The following ASB18 variants were observed in gnomAD, a reference collection of about 807,000 sequenced individuals.
ASB18 encodes the protein ankyrin repeat and SOCS box containing 18.
In ASB18, 33 loss-of-function variants were observed where a neutral mutation model predicts 33.4. The observed-to-expected ratio is 0.99, with a 90% CI of 0.75 to 1.32. ASB18 has a LOEUF of 1.32. Ranked by LOEUF, ASB18 falls within the 40% of genes most tolerant of loss-of-function variation. The pLI is 0.00. For missense variants in ASB18, 694 were observed against 655.5 expected, an observed-to-expected ratio of 1.06 and a Z score of -0.64; for synonymous variants, 295 against 307.6, an observed-to-expected ratio of 0.96 and a Z score of 0.43.
In ASB18 at chr2:236,200,624, C is replaced by T. The variant is rs1452962344; in HGVS notation, c.1102-4239G>A. 6.6e-6 allele frequency among the ~76,000 whole-genome samples: 1 copy of T among 152,174 alleles called. No individual in the cohort carries two copies. Among genetic ancestry groups the T allele is most frequent in the East Asian group, 1.9e-4 (1 of 5,190 alleles). ...TGCCCTCACTCTCCTTTCCTCCCTC[C>T]TGCTGCCGGGACACCCCACTGGCTA... On this transcript the variant is annotated intron_variant, in intron 4 of 5. Coordinates refer to ENST00000409749, the MANE Select transcript of ASB18 (RefSeq NM_212556.4). This position sits in a 1 kb window ranked among gnomAD's most constrained non-coding sequence, Gnocchi z 4.2.
At chr2:236,206,021 G>A (rs530839214) in intron 4 of ASB18, among the ~76,000 whole-genome samples, 4 of 152,074 alleles carry the variant, frequency 2.6e-5, no homozygotes, top group African/African-American at 9.7e-5. Flanking sequence ...CACCCTTTTC[G>A]ATTGCCAACC....
Position 236,249,027 on chromosome 2 carries a change from T to C in ASB18, c.206-7625A>G, listed in dbSNP as rs1010323078. On this transcript the variant is annotated intron_variant, in intron 1 of 5. Transcript: ENST00000409749. This position sits in a 1 kb window ranked among gnomAD's most constrained non-coding sequence, Gnocchi z 4.6. ...GTTAAGAGGTTGTTGGTTGTTTTGA[T>C]GCATTGATATTTATACCCAAATTTA... The C allele has an allele frequency of 2.6e-5, 4 of 152,238 alleles. No homozygotes were observed. Among genetic ancestry groups the C allele is most frequent in the African/African-American group, 9.6e-5 (4 of 41,458 alleles). The allele number at this position is 152,238 out of a possible 1,614,324, so 9.4% of individuals were successfully genotyped here.
chr2:236,216,852 G>A lies in ASB18; in HGVS notation c.597-1986C>T, dbSNP rs781508070. Reference sequence around the variant, plus strand: ...ATGATCCAGCTCCTGGGGGCTCACCGGGTTCACCTCCTGAGGCGCCGCCTC... The same window carrying A: ...ATGATCCAGCTCCTGGGGGCTCACCAGGTTCACCTCCTGAGGCGCCGCCTC... On this transcript the variant is annotated intron_variant, in intron 3 of 5. Coordinates refer to ENST00000409749, the MANE Select transcript of ASB18 (RefSeq NM_212556.4). This position sits in a 1 kb window ranked among gnomAD's most constrained non-coding sequence, Gnocchi z 6.1. Among the ~76,000 whole-genome samples the A allele has an allele frequency of 3.3e-5, 5 of 152,090 alleles. No homozygotes were observed. Among genetic ancestry groups the A allele is most frequent in the African/African-American group, 9.7e-5 (4 of 41,408 alleles).
rs1457048589 is a variant in ASB18 at position 236,213,430 on chromosome 2, A to G, written c.1101+932T>C. ...TATTAGCTTTTCAGCTATTTGTTCA[A>G]AACTAATCAGGCCAAAATATGTCTT... is the stretch of plus-strand genomic sequence containing the variant. On this transcript the variant is annotated intron_variant, in intron 4 of 5. Transcript: ENST00000409749. This position sits in a 1 kb window ranked among gnomAD's most constrained non-coding sequence, Gnocchi z 4.8. Among the ~76,000 whole-genome samples, 1 of 152,136 alleles carries G rather than the reference A, an allele frequency of 6.6e-6. No homozygotes were observed. The highest frequency in any genetic ancestry group is 1.5e-5 in the Non-Finnish European group (1 of 68,036).
Position 236,202,777 on chromosome 2 carries a change from C to CAA in ASB18, c.1102-6394_1102-6393dup, listed in dbSNP as rs34973734. Among the ~76,000 whole-genome samples the CAA allele has an allele frequency of 1.8e-3, 121 of 68,630 alleles. 2 individuals carry two copies. Among genetic ancestry groups the CAA allele is most frequent in the East Asian group, 7.0e-3 (16 of 2,286 alleles). The allele number at this position is 68,630 out of a possible 152,430, so 45.0% of individuals were successfully genotyped here. A position where few individuals can be genotyped will look rare whatever the true frequency, so the allele number is the denominator to read the frequency against. ...CTGGCGACAGAGTGAGACTCCGTCTCAAAAAAAAAAAAAAAAAATATATAT... is the reference window on the plus strand; with the variant it reads ...CTGGCGACAGAGTGAGACTCCGTCTCAAAAAAAAAAAAAAAAAAAATATATAT... On this transcript the variant is annotated intron_variant, in intron 4 of 5. Transcript: ENST00000409749.
chr2:236,207,257 T>C (rs1027943608), intron 4 of ASB18, among the ~76,000 whole-genome samples: 5 of 152,196 alleles, frequency 3.3e-5, no homozygotes, highest in African/African-American at 7.2e-5. Flanking sequence ...GAATCAACTC[T>C]GCCTTTTCCT....
intron 1 of ASB18, chr2:236,247,849 A>G (rs1016079459): frequency 3.9e-5 from 6 of 152,228 alleles, no homozygotes; most frequent in Admixed American, 2.0e-4. Flanking sequence ...ATGGAAAGAG[A>G]CTTCGGACAG....
rs2060371516 is a variant in ASB18, at chr2:236,196,178, C to A, written c.1215+94G>T. The A allele has an allele frequency of 1.4e-6, 1 of 736,442 alleles. No individual in the cohort carries two copies. 45.6% of individuals were successfully genotyped at this position (736,442 alleles called of 1,614,324 possible). The stretch of plus-strand genomic sequence containing the variant: ...TTCTTCCTTTTTCAGATGTATAATA[C>A]TTAGCCGAATATCAGTGCAAAACTC... On this transcript the variant is annotated intron_variant, in intron 5 of 5. Transcript: ENST00000409749. This position sits in a 1 kb window ranked among gnomAD's most constrained non-coding sequence, Gnocchi z 5.6.
chr2:236,209,581 G>A lies in ASB18; in HGVS notation c.1101+4781C>T, dbSNP rs1377569449. On this transcript the variant is annotated intron_variant, in intron 4 of 5. Transcript: ENST00000409749. The surrounding 1 kb of genome is among the most constrained non-coding windows in gnomAD (Gnocchi z 4.4). ...CTCTGGCCTAGAATCTGTTATTCTTGCACCAACCTCCATCCCCCATGCAAG... is the reference window on the plus strand; with the variant it reads ...CTCTGGCCTAGAATCTGTTATTCTTACACCAACCTCCATCCCCCATGCAAG... Among the ~76,000 whole-genome samples the A allele has an allele frequency of 1.3e-5, 2 of 152,160 alleles. No individual in the cohort carries two copies. Among genetic ancestry groups the A allele is most frequent in the African/African-American group, 2.4e-5 (1 of 41,438 alleles).
intron 4 of ASB18, among the ~76,000 whole-genome samples, chr2:236,207,432 C>T (rs748510914): frequency 6.6e-6 from 1 of 152,254 alleles, no homozygotes; most frequent in Non-Finnish European, 1.5e-5. Flanking sequence ...ATGGCACATA[C>T]TTTCTGAGAT....
At position 236,194,831 on chromosome 2, in the gene ASB18, C is replaced by G; in HGVS notation, c.*41G>C. 1 of 1,556,810 alleles carries G rather than the reference C, an allele frequency of 6.4e-7. No homozygotes were observed. The highest frequency in any genetic ancestry group is 2.3e-5 in the East Asian group (1 of 43,800). On this transcript the variant is annotated 3_prime_UTR_variant, in exon 6 of 6. Transcript: ENST00000409749. This position sits in a 1 kb window ranked among gnomAD's most constrained non-coding sequence, Gnocchi z 4.5. ...CCAACACACGGCCTCCATGGAAGGT[C>G]AGCGAGGAGAACAACAGTATTGGTT...
At position 236,237,475 on chromosome 2, in the gene ASB18, G is replaced by A. The variant is rs1209013606; in HGVS notation, c.596+214C>T. Among the ~76,000 whole-genome samples the A allele has an allele frequency of 6.7e-6, 1 of 150,126 alleles. No homozygotes were observed. The highest frequency in any genetic ancestry group is 1.5e-5 in the Non-Finnish European group (1 of 67,260). ...TGCCAGGTCTGGGGTCCCGGGTCAG[G>A]GATCTTGGATCTGGGTCCCGAGGCA... On this transcript the variant is annotated intron_variant, in intron 3 of 5. Transcript: ENST00000409749. The surrounding 1 kb of genome is among the most constrained non-coding windows in gnomAD (Gnocchi z 6.2).
chr2:236,236,889 C>A (rs1290090500), intron 3 of ASB18, among the ~76,000 whole-genome samples: 2 of 152,160 alleles, frequency 1.3e-5, no homozygotes, highest in Admixed American at 1.3e-4. Context: ...GGGGCTGGAG[C>A]ATTTTGACTA....
At position 236,214,343 on chromosome 2, in the gene ASB18, G is replaced by A. The variant is rs752867973; in HGVS notation, c.1101+19C>T. ...CAAAACTCCAGGGCACGTGCCAGCC[G>A]GGCTGGATCCTGCCTTACCTTGGGG... On this transcript the variant is annotated intron_variant, in intron 4 of 5. Transcript: ENST00000409749. This position sits in a 1 kb window ranked among gnomAD's most constrained non-coding sequence, Gnocchi z 6.5. The A allele has an allele frequency of 1.3e-6, 2 of 1,561,432 alleles. No individual in the cohort carries two copies. The highest frequency in any genetic ancestry group is 8.6e-7 in the Non-Finnish European group (1 of 1,156,996).
rs930966390 is a variant in ASB18 at position 236,250,619 on chromosome 2, T to G, written c.206-9217A>C. On this transcript the variant is annotated intron_variant, in intron 1 of 5. Transcript: ENST00000409749. This position sits in a 1 kb window ranked among gnomAD's most constrained non-coding sequence, Gnocchi z 4.1. ...CTGACTGGACTCTAGGATAATAACATCACTACCAACTGGTGCAGCAGCCCC... is the reference window on the plus strand; with the variant it reads ...CTGACTGGACTCTAGGATAATAACAGCACTACCAACTGGTGCAGCAGCCCC... 1.3e-5 allele frequency: 2 copies of G among 152,222 alleles called. No individual in the cohort carries two copies. The highest frequency in any genetic ancestry group is 4.1e-4 in the South Asian group (2 of 4,828). 9.4% of individuals were successfully genotyped at this position (152,222 alleles called of 1,614,324 possible).
At position 236,208,069 on chromosome 2, in the gene ASB18, C is replaced by A. The variant is rs2060442633; in HGVS notation, c.1101+6293G>T. Among the ~76,000 whole-genome samples, 1 of 152,064 alleles carries A rather than the reference C, an allele frequency of 6.6e-6. No individual in the cohort carries two copies. Among genetic ancestry groups the A allele is most frequent in the South Asian group, 2.1e-4 (1 of 4,798 alleles). ...ATATCGACATCATAAGAGCTATTAT[C>A]GGTGGTCCCCTCCCCATGCCCAATT... On this transcript the variant is annotated intron_variant, in intron 4 of 5. Coordinates refer to ENST00000409749, the MANE Select transcript of ASB18 (RefSeq NM_212556.4). This position sits in a 1 kb window ranked among gnomAD's most constrained non-coding sequence, Gnocchi z 7.7.
At position 236,255,905 on chromosome 2, in the gene ASB18, C is replaced by G. The variant is rs2060689744; in HGVS notation, c.205+8236G>C. ...GCCTCCCTTTATCTGGGCTTCCTTC[C>G]TTTGGATCACAGCCTCCCAGGAACA... On this transcript the variant is annotated intron_variant, in intron 1 of 5. Transcript: ENST00000409749. This position sits in a 1 kb window ranked among gnomAD's most constrained non-coding sequence, Gnocchi z 4.4. Among the ~76,000 whole-genome samples the G allele has an allele frequency of 6.6e-6, 1 of 152,192 alleles. No individual in the cohort carries two copies. The highest frequency in any genetic ancestry group is 2.4e-5 in the African/African-American group (1 of 41,450).
chr2:236,247,598 G>A (rs1203867300), intron 1 of ASB18: 1 of 152,134 alleles, frequency 6.6e-6, no homozygotes, highest in Non-Finnish European at 1.5e-5. Flanking sequence ...TAGCTTGCTT[G>A]GGTCAAGTCA....
rs924336176 is a variant in ASB18, at chr2:236,226,919, C to T, written c.596+10770G>A. 6.6e-6 allele frequency among the ~76,000 whole-genome samples: 1 copy of T among 152,080 alleles called. No individual in the cohort carries two copies. Among genetic ancestry groups the T allele is most frequent in the African/African-American group, 2.4e-5 (1 of 41,410 alleles). ...CTGAATACGCTTCACCCAGCTTCCC[C>T]TAAAGTTAATATCTAATATTATTAT... On this transcript the variant is annotated intron_variant, in intron 3 of 5. Transcript: ENST00000409749. This position sits in a 1 kb window ranked among gnomAD's most constrained non-coding sequence, Gnocchi z 4.8.
Sources: allele counts gnomAD v4.1 joint callset (sites outside exome capture counted in the v4.1 genomes callset), GRCh38; gene constraint gnomAD v4.1.1; non-coding constraint Gnocchi (gnomAD v3.1); transcripts MANE v1.5; gene names NCBI Gene and HGNC (gene_info 2026-07-23, HGNC 2026-07-21).